Variants in ZNF469 observed in about 807,000 individuals in gnomAD.
The protein encoded by ZNF469 is zinc finger protein 469.
ZNF469 carries 1 observed loss-of-function variant against 1.0 expected under a neutral mutation model. That is an observed-to-expected ratio of 1.00 (90% CI 0.35 to 4.73). The LOEUF (loss-of-function observed/expected upper bound fraction) is 4.73. Among genes scored for constraint, ZNF469 ranks in the 30% most tolerant of loss-of-function variants. The pLI, the probability that ZNF469 is intolerant of heterozygous loss-of-function variation, is 0.16. For synonymous variants in ZNF469, 2,703 were observed against 2,363.4 expected, an observed-to-expected ratio of 1.14 and a Z score of -4.17; for missense variants, 6,100 against 5,356.3, an observed-to-expected ratio of 1.14 and a Z score of -4.33.
chr16:88,215,102 G>A, the ZNF469 span, among the ~76,000 whole-genome samples: 7 of 152,034 alleles, frequency 4.6e-5, no homozygotes. Context: ...AATTCTGTCA[G>A]GCATGTCTAT....
At chr16:88,294,657 C>T in the ZNF469 span, 2 of 152,270 alleles carry the variant, frequency 1.3e-5, no homozygotes, top group East Asian at 1.9e-4. Flanking sequence ...AAAACCAACA[C>T]ACCTGCTTGC....
In ZNF469 at chr16:88,431,251, G is replaced by A. The variant is rs913053503; in HGVS notation, c.3781G>A (p.Gly1261Ser). ...ACAGEMGASP[G>S]LLIPEQPPPS... Reference sequence around the variant, plus strand: ...TGCGGGAGAAATGGGAGCAAGCCCCGGTCTCCTGATACCAGAGCAGCCGCC... The same window carrying A: ...TGCGGGAGAAATGGGAGCAAGCCCCAGTCTCCTGATACCAGAGCAGCCGCC... The change falls in exon 3 of 3, where the codon GGT becomes AGT. Residue 1261 changes from glycine (G) to serine (S), a missense_variant. Transcript: ENST00000565624. 7 of 1,550,366 alleles carry A rather than the reference G, an allele frequency of 4.5e-6. No homozygotes were observed. The highest frequency in any genetic ancestry group is 2.7e-5 in the African/African-American group (2 of 73,180).
chr16:88,403,586 G>C (rs1904943845), intron 1 of ZNF469, among the ~76,000 whole-genome samples: 1 of 152,256 alleles, frequency 6.6e-6, no homozygotes, highest in South Asian at 2.1e-4. Context: ...GGTGGGACCA[G>C]GGGTGGGCGA....
chr16:88,240,861 C>G, the ZNF469 span, among the ~76,000 whole-genome samples: 1 of 152,166 alleles, frequency 6.6e-6, no homozygotes, highest in African/African-American at 2.4e-5. Context: ...GCCAGGGACC[C>G]TCAGTGTGCC....
chr16:88,195,706 C>T, the ZNF469 span, among the ~76,000 whole-genome samples: 1 of 152,214 alleles, frequency 6.6e-6, no homozygotes, highest in Non-Finnish European at 1.5e-5. Context: ...AGGGCTCTTG[C>T]TCTGAGACCT....
chr16:88,409,960 G>A (rs1905105885), intron 1 of ZNF469, among the ~76,000 whole-genome samples: 1 of 152,044 alleles, frequency 6.6e-6, no homozygotes, highest in Non-Finnish European at 1.5e-5. Context: ...GCTGGAAGAT[G>A]GTGAAGCAGG....
the ZNF469 span, among the ~76,000 whole-genome samples, chr16:88,162,148 G>C: frequency 2.0e-5 from 3 of 152,154 alleles, no homozygotes; most frequent in Non-Finnish European, 4.4e-5. Flanking sequence ...GGAAACATGA[G>C]AGTTGAGAAA....
the ZNF469 span, among the ~76,000 whole-genome samples, chr16:88,188,017 C>T: frequency 6.6e-6 from 1 of 152,204 alleles, no homozygotes; most frequent in South Asian, 2.1e-4. Flanking sequence ...CTCCCCTGCT[C>T]CCCAGTTCTC....
intron 1 of ZNF469, among the ~76,000 whole-genome samples, chr16:88,418,764 G>A (rs962468366): frequency 1.5e-4 from 23 of 152,092 alleles, no homozygotes; most frequent in African/African-American, 5.1e-4. Flanking sequence ...TTACCCTCCG[G>A]GCCATATCTC....
the ZNF469 span, among the ~76,000 whole-genome samples, chr16:88,275,214 G>A: frequency 3.9e-5 from 6 of 152,316 alleles, no homozygotes; most frequent in East Asian, 1.9e-4. Context: ...CTGACAGTCC[G>A]AACGATCCTA....
chr16:88,120,827 G>A, the ZNF469 span, among the ~76,000 whole-genome samples: 1 of 152,186 alleles, frequency 6.6e-6, no homozygotes, highest in Non-Finnish European at 1.5e-5. Context: ...CCGTGTCGAG[G>A]GCAGTTAGAA....
the ZNF469 span, among the ~76,000 whole-genome samples, chr16:88,313,714 C>T: frequency 1.3e-5 from 2 of 151,898 alleles, no homozygotes; most frequent in African/African-American, 2.4e-5. Context: ...GTAATTCAGG[C>T]AGTGCTGGTG....
the ZNF469 span, among the ~76,000 whole-genome samples, chr16:88,361,890 T>C: frequency 6.6e-6 from 1 of 152,238 alleles, no homozygotes; most frequent in African/African-American, 2.4e-5. Flanking sequence ...AGATACCCAG[T>C]TGTGCCTGTG....
At chr16:88,160,603 A>G in the ZNF469 span, among the ~76,000 whole-genome samples, 8 of 152,104 alleles carry the variant, frequency 5.3e-5, no homozygotes, top group Non-Finnish European at 8.8e-5. Flanking sequence ...AACTCTTTTC[A>G]CAACAACTTA....
chr16:88,157,430 T>G, the ZNF469 span, among the ~76,000 whole-genome samples: 46 of 152,282 alleles, frequency 3.0e-4, no homozygotes, highest in Admixed American at 8.5e-4. Context: ...CAAAATTGCA[T>G]GTGGACAGTT....
the ZNF469 span, among the ~76,000 whole-genome samples, chr16:88,309,463 C>G: frequency 1.3e-5 from 2 of 150,344 alleles, no homozygotes; most frequent in Admixed American, 1.3e-4. Context: ...CGGGGAGTAC[C>G]CTCTGAGGTC....
chr16:88,362,564 T>C, the ZNF469 span, among the ~76,000 whole-genome samples: 2 of 152,236 alleles, frequency 1.3e-5, no homozygotes, highest in African/African-American at 4.8e-5. Context: ...GCTTTAAAGA[T>C]GTTGTTCTAC....
chr16:88,292,017 T>A, the ZNF469 span, among the ~76,000 whole-genome samples: 11 of 152,200 alleles, frequency 7.2e-5, no homozygotes, highest in African/African-American at 2.7e-4. Context: ...AGGACAGTTT[T>A]GGGGACCGAG....
the ZNF469 span, among the ~76,000 whole-genome samples, chr16:88,319,405 GCCCCGGGAGGAGGGGGCTGCTCC>G: frequency 8.5e-5 from 13 of 152,160 alleles, no homozygotes; most frequent in Non-Finnish European, 1.8e-4. Context: ...CAAGGATTGG[GCCCCGGGAGGAGGGGGCTGCTCC>G]CCCAGGGAGG....
Sources: gnomAD v4.1 joint callset for allele counts (sites outside exome capture counted in the v4.1 genomes callset) on GRCh38, gnomAD v4.1.1 for gene constraint, MANE v1.5 for transcripts, NCBI Gene and HGNC (gene_info 2026-07-23, HGNC 2026-07-21) for gene names.